TUBGCP2: variants seen among roughly 807,000 people sequenced by gnomAD.
The protein encoded by TUBGCP2 is gamma-tubulin complex component 2.
Under a neutral mutation model 92.2 loss-of-function variants are expected in TUBGCP2, and 55 were observed. The ratio of observed to expected loss-of-function variants is 0.60; its 90% confidence interval spans 0.48 to 0.75. The LOEUF (loss-of-function observed/expected upper bound fraction) is 0.75. Among genes scored for constraint, TUBGCP2 ranks in the 30% least tolerant of loss-of-function variants. The pLI is 0.00. For missense variants in TUBGCP2, 1,093 were observed against 1,188.9 expected (o/e 0.92, Z 1.19); for synonymous variants, 533 against 505.2 (o/e 1.06, Z -0.74).
At chr10:133,309,904 G>T, upstream of TUBGCP2, 1 of 1,613,646 alleles carries the variant, frequency 6.2e-7, no homozygotes, top group Non-Finnish European at 8.5e-7. Flanking sequence ...TTCCCTTCCG[G>T]ACACCTGCTG....
chr10:133,308,940 G>A (rs907133614), upstream of TUBGCP2: 1 of 1,227,404 alleles, frequency 8.1e-7, no homozygotes, highest in East Asian at 3.3e-5. Flanking sequence ...CCGCGCCCGG[G>A]GTGATGCAGT....
At chr10:133,280,875 A>T (rs1385545860) in intron 17 of TUBGCP2, among the ~76,000 whole-genome samples, 1 of 131,676 alleles carries the variant, frequency 7.6e-6, no homozygotes, top group Non-Finnish European at 1.6e-5. Context: ...CCGGGGCAGC[A>T]CTGGGCCAGG....
upstream of TUBGCP2, chr10:133,310,096 C>T (rs1310032521): frequency 8.1e-6 from 13 of 1,611,376 alleles, no homozygotes; most frequent in South Asian, 1.3e-4. Flanking sequence ...CTTGGCAGCT[C>T]TGCTACGGGG....
chr10:133,293,081 T>C lies in TUBGCP2; in HGVS notation c.982A>G (p.Ile328Val), dbSNP rs778258918. 1.2e-6 allele frequency: 2 copies of C among 1,613,688 alleles called. No homozygotes were observed. Among genetic ancestry groups the C allele is most frequent in the Non-Finnish European group, 8.5e-7 (1 of 1,180,036 alleles). ...LLSLQKLWFY[I>V]QPAMRTMDIL... is the part of the protein sequence containing the mutation. ...TCCATGGTGCGCATGGCTGGCTGGA[T>C]GTAGAACCAGAGCTTCTGCAGCGAA... Residue 328 changes from isoleucine (I) to valine (V), a missense_variant, in exon 7 of 18, where the codon ATC becomes GTC. Transcript: ENST00000252936.
chr10:133,293,305 T>C (rs1847409047), intron 6 of TUBGCP2, 67 bp from the exon 7 acceptor site: 7 of 1,553,482 alleles, frequency 4.5e-6, no homozygotes, highest in South Asian at 3.4e-5. Flanking sequence ...TCCGATATTC[T>C]GAGTCTCATC....
chr10:133,303,638 C>T (rs1465820016), intron 1 of TUBGCP2, among the ~76,000 whole-genome samples: 1 of 152,252 alleles, frequency 6.6e-6, no homozygotes, highest in Non-Finnish European at 1.5e-5. Context: ...GAGAGGCCCA[C>T]ACTGGTTCTC....
rs143394978 is a variant in TUBGCP2 at position 133,288,929 on chromosome 10, A to C, written c.1452T>G (p.Tyr484Ter). The change falls in exon 10 of 18, where the codon TAT becomes TAG. Residue 484 changes from tyrosine to a stop codon, truncating the protein, a stop_gained. Transcript: ENST00000252936. LOFTEE classifies it high-confidence loss of function. ...EIIYTLKERA[Y>*]VEQIEKAFNY... The stretch of plus-strand genomic sequence containing the variant: ...TAAACGCCTTCTCGATCTGCTCCAC[A>C]TACGCCCGCTCTTTTAACGTGTAGA... 6.2e-7 allele frequency: 1 copy of C among 1,614,204 alleles called. No individual in the cohort carries two copies. Among genetic ancestry groups the C allele is most frequent in the Non-Finnish European group, 8.5e-7 (1 of 1,180,026 alleles).
At chr10:133,292,072 C>CCCGTGTCCCTCCGTGTCCCT (rs1196581126) in intron 8 of TUBGCP2, among the ~76,000 whole-genome samples, 1 of 5,666 alleles carries the variant, frequency 1.8e-4, no homozygotes, top group Non-Finnish European at 2.7e-4. Flanking sequence ...CTCCGTGTCC[C>CCCGTGTCCCTCCGTGTCCCT]CCGTGTCCCT....
intron 5 of TUBGCP2, among the ~76,000 whole-genome samples, chr10:133,296,965 C>T (rs6537596): frequency 0.27 from 41,041 of 152,084 alleles, 6,974 homozygotes; most frequent in African/African-American, 0.48. Context: ...AGGGTTGGCC[C>T]CTTGGTGCCC....
intron 5 of TUBGCP2, chr10:133,297,438 A>G: frequency 2.2e-6 from 1 of 452,364 alleles, no homozygotes; most frequent in Non-Finnish European, 4.4e-6. Context: ...TGTACCCATG[A>G]ATTGTGACAG....
At chr10:133,300,228 AT>A in intron 2 of TUBGCP2, 115 bp from the exon 3 acceptor site, 1 of 1,226,420 alleles carries the variant, frequency 8.2e-7, no homozygotes, top group Non-Finnish European at 1.1e-6. Flanking sequence ...GGTAGGTTAA[AT>A]AATTATCCCT....
At chr10:133,290,177 G>C in intron 8 of TUBGCP2, 1 of 636,268 alleles carries the variant, frequency 1.6e-6, no homozygotes, top group Non-Finnish European at 2.6e-6. Flanking sequence ...GCTCACGCCT[G>C]TAACCCCAAC....
intron 9 of TUBGCP2, among the ~76,000 whole-genome samples, chr10:133,289,282 G>A (rs1847212061): frequency 6.6e-6 from 1 of 152,184 alleles, no homozygotes; most frequent in Non-Finnish European, 1.5e-5. Flanking sequence ...GCTTTGCCGT[G>A]GCTCTGCACA....
At chr10:133,307,867 C>T (rs1427747088) in intron 1 of TUBGCP2, among the ~76,000 whole-genome samples, 2 of 152,212 alleles carry the variant, frequency 1.3e-5, no homozygotes, top group Non-Finnish European at 2.9e-5. Context: ...GAGCCTCTTG[C>T]TCGTGGGCTA....
intron 5 of TUBGCP2, 129 bp downstream of exon 5, chr10:133,297,823 G>A (rs1484521206): frequency 2.2e-6 from 3 of 1,376,878 alleles, no homozygotes; most frequent in Non-Finnish European, 2.0e-6. Flanking sequence ...AGGCCCGGGG[G>A]AGGGCTGGGC....
At chr10:133,290,571 T>C (rs891747166) in intron 8 of TUBGCP2, 13 of 151,220 alleles carry the variant, frequency 8.6e-5, no homozygotes, top group African/African-American at 3.2e-4. Flanking sequence ...TAACCTGGGC[T>C]CAGGGAGAAT....
In TUBGCP2 at chr10:133,279,680, C is replaced by A; in HGVS notation, c.*86G>T. 1 of 1,453,978 alleles carries A rather than the reference C, an allele frequency of 6.9e-7. No individual in the cohort carries two copies. The highest frequency in any genetic ancestry group is 9.1e-7 in the Non-Finnish European group (1 of 1,099,198). The allele number at this position is 1,453,978 out of a possible 1,614,324, so 90.1% of individuals were successfully genotyped here. ...TTATATTTAAACTGCAAAGACAGAA[C>A]ACAGAGCATTCGATTTGAAAATTCT... On this transcript the variant is annotated 3_prime_UTR_variant, in exon 18 of 18. Transcript: ENST00000252936.
chr10:133,281,457 C>T (rs368774732), intron 16 of TUBGCP2, 21 bp from the exon 17 acceptor site: 36 of 1,607,072 alleles, frequency 2.2e-5, no homozygotes, highest in Non-Finnish European at 2.5e-5. Flanking sequence ...AGCCGGGGTG[C>T]GTGAGCCATG....
chr10:133,304,120 G>A (rs1435282384), intron 1 of TUBGCP2, among the ~76,000 whole-genome samples: 2 of 152,140 alleles, frequency 1.3e-5, no homozygotes, highest in Non-Finnish European at 2.9e-5. Context: ...GTCACTCGAG[G>A]CCAGGAGTCA....
Sources: gnomAD v4.1 joint callset for allele counts (sites outside exome capture counted in the v4.1 genomes callset) on GRCh38, gnomAD v4.1.1 for gene constraint, MANE v1.5 for transcripts, NCBI Gene and HGNC (gene_info 2026-07-23, HGNC 2026-07-21) for gene names.